Variants in EFCAB6 observed in about 807,000 individuals in gnomAD.
EFCAB6 encodes EF-hand calcium binding domain 6, also known as EF-hand calcium-binding domain-containing protein 6.
Under a neutral mutation model 169.8 loss-of-function variants are expected in EFCAB6, and 156 were observed. The ratio of observed to expected loss-of-function variants is 0.92; its 90% CI spans 0.81 to 1.05. EFCAB6 has a LOEUF of 1.05. Ranked by LOEUF, EFCAB6 falls within the 50% of genes least tolerant of loss-of-function variation. EFCAB6 has a pLI of 0.00. For missense variants in EFCAB6, 1,800 were observed against 1,829.1 expected (o/e 0.98, Z 0.29); for synonymous variants, 698 against 676.4 (o/e 1.03, Z -0.50).
At chr22:43,573,015 G>A (rs1017793450) in intron 26 of EFCAB6, among the ~76,000 whole-genome samples, 1 of 152,258 alleles carries the variant, frequency 6.6e-6, no homozygotes, top group Non-Finnish European at 1.5e-5. Context: ...CGAAAAGGCA[G>A]GAGAGAACAG....
chr22:43,590,972 GTT>G (rs1243814061), intron 23 of EFCAB6, among the ~76,000 whole-genome samples: 2 of 151,948 alleles, frequency 1.3e-5, no homozygotes, highest in Non-Finnish European at 2.9e-5. Flanking sequence ...ACCCCATTTT[GTT>G]TTGTTTGTTT....
At chr22:43,708,023 A>G (rs1334864624) in intron 10 of EFCAB6, among the ~76,000 whole-genome samples, 1 of 151,818 alleles carries the variant, frequency 6.6e-6, no homozygotes, top group African/African-American at 2.4e-5. Context: ...AACCACTATA[A>G]GAATAGAAAT....
At chr22:43,636,232 T>C (rs2055385606) in intron 17 of EFCAB6, among the ~76,000 whole-genome samples, 1 of 151,932 alleles carries the variant, frequency 6.6e-6, no homozygotes, top group African/African-American at 2.4e-5. Flanking sequence ...ACACAGGTTA[T>C]CATCAACAAA....
intron 20 of EFCAB6, among the ~76,000 whole-genome samples, chr22:43,623,533 A>T (rs1323165862): frequency 6.6e-6 from 1 of 152,028 alleles, no homozygotes; most frequent in Non-Finnish European, 1.5e-5. Flanking sequence ...TGTTTTTATG[A>T]TACAGGTGGA....
At chr22:43,672,353 C>T in intron 13 of EFCAB6, 48 bp from the exon 14 acceptor site, 5 of 1,598,326 alleles carry the variant, frequency 3.1e-6, no homozygotes, top group Non-Finnish European at 4.3e-6. Context: ...TCATGAAAGT[C>T]ATTAGGAGCT....
chr22:43,586,990 G>T (rs549360386), intron 24 of EFCAB6, among the ~76,000 whole-genome samples: 4 of 152,262 alleles, frequency 2.6e-5, no homozygotes, highest in African/African-American at 7.2e-5. Flanking sequence ...CAGAATCCAA[G>T]AAATCACTTC....
intron 24 of EFCAB6, among the ~76,000 whole-genome samples, chr22:43,587,320 G>A (rs967862752): frequency 3.9e-5 from 6 of 152,182 alleles, no homozygotes; most frequent in African/African-American, 7.2e-5. Flanking sequence ...AATAAAAAGT[G>A]TATACACTGA....
intron 24 of EFCAB6, among the ~76,000 whole-genome samples, chr22:43,588,889 G>A (rs1474831944): frequency 6.6e-6 from 1 of 152,188 alleles, no homozygotes; most frequent in Admixed American, 6.5e-5. Flanking sequence ...CACAGCAAAT[G>A]TAGATCTAGA....
chr22:43,622,186 C>T (rs919437375), intron 20 of EFCAB6, among the ~76,000 whole-genome samples: 3 of 152,112 alleles, frequency 2.0e-5, no homozygotes, highest in Non-Finnish European at 4.4e-5. Flanking sequence ...GCTAGCAGTG[C>T]CATGATACCA....
chr22:43,748,658 G>T (rs1426637952), intron 6 of EFCAB6, among the ~76,000 whole-genome samples: 2 of 152,066 alleles, frequency 1.3e-5, no homozygotes, highest in African/African-American at 4.8e-5. Flanking sequence ...AACTGTTCAA[G>T]GCACTGAAGT....
Position 43,678,189 on chromosome 22 carries a change from A to T in EFCAB6, c.1252-26T>A, listed in dbSNP as rs1446383405. 3 of 1,496,926 alleles carry T rather than the reference A, an allele frequency of 2.0e-6. No individual in the cohort carries two copies. In the Admixed American group the frequency reaches 6.4e-5, roughly 32 times the overall value. The allele number at this position is 1,496,926 out of a possible 1,614,324, so 92.7% of individuals were successfully genotyped here. A position where few individuals can be genotyped will look rare whatever the true frequency, so the allele number is the denominator to read the frequency against. ...CTGAGCATCAGAGTGTATATAAGGG[A>T]ATTTTTGAAAAAAAAAAAAAAAGGA... is the stretch of plus-strand genomic sequence containing the variant. On this transcript the variant is annotated intron_variant, in intron 12 of 31. Coordinates refer to ENST00000262726, the MANE Select transcript of EFCAB6 (RefSeq NM_022785.4).
chr22:43,789,891 T>C (rs1323048530), intron 2 of EFCAB6, among the ~76,000 whole-genome samples: 2 of 130,522 alleles, frequency 1.5e-5, no homozygotes, highest in Non-Finnish European at 3.4e-5. Flanking sequence ...ACAAAAGTCT[T>C]CCTACCAGGT....
At chr22:43,554,405 G>C (rs2147067444) in intron 27 of EFCAB6, 1 of 165,212 alleles carries the variant, frequency 6.1e-6, no homozygotes, top group African/African-American at 2.4e-5. Context: ...TTGTCTCTTT[G>C]CAGTCAGCTT....
At position 43,769,599 on chromosome 22, in the gene EFCAB6, A is replaced by AT. The variant is rs1252762769; in HGVS notation, c.351+3292dup. Among the ~76,000 whole-genome samples, 5 of 151,628 alleles carry AT rather than the reference A, an allele frequency of 3.3e-5. No homozygotes were observed. The East Asian group carries it at 7.7e-4, about 23-fold the overall frequency. On this transcript the variant is annotated intron_variant, in intron 4 of 31. Coordinates refer to ENST00000262726, the MANE Select transcript of EFCAB6 (RefSeq NM_022785.4). ...TATTATAGAAGTAAATAAAGGGGAA[A>AT]TTTTTTTTTAAGGGAAGAGAAAAGT... is the stretch of plus-strand genomic sequence containing the variant.
In EFCAB6 at chr22:43,593,046, T is replaced by A. The variant is rs527896356; in HGVS notation, c.2877-2817A>T. On this transcript the variant is annotated intron_variant, in intron 23 of 31. Transcript: ENST00000262726. ...CTCAAATCTGTCAATCTGATCAGAG[T>A]GTCAGTATAGAGGAGGAGGTAAAAA... Among the ~76,000 whole-genome samples the A allele has an allele frequency of 4.0e-5, 6 of 149,588 alleles. 1 individual carries two copies. Among genetic ancestry groups the A allele is most frequent in the African/African-American group, 1.5e-4 (6 of 40,356 alleles).
Position 43,632,089 on chromosome 22 carries a change from G to C in EFCAB6, c.2232+16C>G, listed in dbSNP as rs372046997. On this transcript the variant is annotated intron_variant, in intron 19 of 31. Transcript: ENST00000262726. ...GGAGGCCTAGAGAAGCCCAGCGCCA[G>C]ACAGTCACGGTTTACCCGGAATGAC... is the stretch of plus-strand genomic sequence containing the variant. 8.1e-6 allele frequency: 13 copies of C among 1,612,844 alleles called. No individual in the cohort carries two copies. The highest frequency in any genetic ancestry group is 1.1e-5 in the Non-Finnish European group (13 of 1,179,168).
At position 43,716,842 on chromosome 22, in the gene EFCAB6, T is replaced by C; in HGVS notation, c.882+6A>G. 6.3e-7 allele frequency: 1 copy of C among 1,599,572 alleles called. No homozygotes were observed. Among genetic ancestry groups the C allele is most frequent in the Non-Finnish European group, 8.5e-7 (1 of 1,174,330 alleles). ...TAGGTAATTGTGGCTTAGGAAAACA[T>C]CTTACTTGTAGACAAAAGTTCCTCT... On this transcript the variant is annotated splice_donor_region_variant and intron_variant, in intron 9 of 31. Coordinates refer to ENST00000262726, the MANE Select transcript of EFCAB6 (RefSeq NM_022785.4).
intron 23 of EFCAB6, among the ~76,000 whole-genome samples, chr22:43,593,902 T>C (rs533763310): frequency 7.5e-4 from 115 of 152,318 alleles, no homozygotes; most frequent in Non-Finnish European, 1.6e-3. Context: ...AGGATTGAGA[T>C]CGTGCCAAGA....
intron 2 of EFCAB6, among the ~76,000 whole-genome samples, chr22:43,794,818 T>C (rs970824667): frequency 8.5e-5 from 13 of 152,350 alleles, no homozygotes; most frequent in African/African-American, 3.1e-4. Flanking sequence ...TGGCAACCCC[T>C]AGTCTATTGT....
Sources: gnomAD v4.1 joint callset for allele counts (sites outside exome capture counted in the v4.1 genomes callset) on GRCh38, gnomAD v4.1.1 for gene constraint, MANE v1.5 for transcripts, NCBI Gene and HGNC (gene_info 2026-07-23, HGNC 2026-07-21) for gene names.